Variants in CYP7B1 observed in about 807,000 individuals in gnomAD.
The protein encoded by CYP7B1 is cytochrome P450 family 7 subfamily B member 1.
Under a neutral mutation model 42.7 loss-of-function variants are expected in CYP7B1, and 29 were observed. The ratio of observed to expected loss-of-function variants is 0.68; its 90% CI spans 0.51 to 0.93. The LOEUF (loss-of-function observed/expected upper bound fraction) is 0.93. CYP7B1 is among the 40% of genes least tolerant of loss of function. The pLI, the probability that CYP7B1 is intolerant of heterozygous loss-of-function variation, is 0.00. For synonymous variants in CYP7B1, 235 were observed against 218.2 expected, an observed-to-expected ratio of 1.08 and a Z score of -0.68; for missense variants, 655 against 600.5, an observed-to-expected ratio of 1.09 and a Z score of -0.95.
At chr8:64,756,133 G>A (rs965804946) in intron 1 of CYP7B1, among the ~76,000 whole-genome samples, 1 of 152,066 alleles carries the variant, frequency 6.6e-6, no homozygotes, top group East Asian at 1.9e-4. Flanking sequence ...TCTGTAATTC[G>A]ACTTCATGTC....
intron 1 of CYP7B1, among the ~76,000 whole-genome samples, chr8:64,633,204 C>T (rs1341515429): frequency 6.6e-6 from 1 of 152,152 alleles, no homozygotes; most frequent in Non-Finnish European, 1.5e-5. Context: ...TTGATACCAA[C>T]CTTGGTGGTT....
intron 1 of CYP7B1, among the ~76,000 whole-genome samples, chr8:64,722,750 G>C (rs796232351): frequency 4.9e-5 from 5 of 102,296 alleles, no homozygotes; most frequent in African/African-American, 1.8e-4. Flanking sequence ...CGGCGGGGGG[G>C]GGGGGGCGGG....
At chr8:64,775,161 A>G (rs1047267286) in intron 1 of CYP7B1, among the ~76,000 whole-genome samples, 2 of 151,926 alleles carry the variant, frequency 1.3e-5, no homozygotes, top group African/African-American at 4.9e-5. Flanking sequence ...ATAAAAAAAA[A>G]CACTCTAATT....
chr8:64,722,744 G>C (rs1192331992), intron 1 of CYP7B1, among the ~76,000 whole-genome samples: 1 of 7,748 alleles, frequency 1.3e-4, no homozygotes, highest in African/African-American at 2.5e-4. Context: ...TTTTTGCGGC[G>C]GGGGGGGGGG....
rs146088069 is a variant in CYP7B1 at position 64,744,951 on chromosome 8, T to C, written c.122+53515A>G. Among the ~76,000 whole-genome samples the C allele has an allele frequency of 2.2e-4, 34 of 152,340 alleles. No individual in the cohort carries two copies. The East Asian group carries it at 6.6e-3, about 29-fold the overall frequency. ...AATACTATGACTAAAACTAAATGTA[T>C]GCATGTGTTATAACTGGCTGATCAT... On this transcript the variant is annotated intron_variant, in intron 1 of 5. Coordinates refer to ENST00000310193, the MANE Select transcript of CYP7B1 (RefSeq NM_004820.5).
chr8:64,612,841 C>T (rs1251627667), intron 4 of CYP7B1, among the ~76,000 whole-genome samples: 1 of 152,122 alleles, frequency 6.6e-6, no homozygotes, highest in African/African-American at 2.4e-5. Context: ...TACACACATA[C>T]CACGTGGCAC....
intron 1 of CYP7B1, among the ~76,000 whole-genome samples, chr8:64,657,076 GA>G (rs1806131391): frequency 6.6e-6 from 1 of 151,884 alleles, no homozygotes; most frequent in South Asian, 2.1e-4. Flanking sequence ...AAAGCAGTGT[GA>G]AAAACAAAAG....
intron 1 of CYP7B1, among the ~76,000 whole-genome samples, chr8:64,677,281 GA>G (rs1009605133): frequency 6.6e-6 from 1 of 150,726 alleles, no homozygotes; most frequent in South Asian, 2.1e-4. Flanking sequence ...AAATCCTACG[GA>G]AAAAAAACCC....
At chr8:64,611,082 T>C (rs1246314789) in intron 4 of CYP7B1, among the ~76,000 whole-genome samples, 2 of 152,184 alleles carry the variant, frequency 1.3e-5, no homozygotes, top group African/African-American at 4.8e-5. Context: ...CTGGCCCATG[T>C]TGCCTGATCT....
chr8:64,695,280 C>T (rs1290719361), intron 1 of CYP7B1, among the ~76,000 whole-genome samples: 3 of 152,132 alleles, frequency 2.0e-5, no homozygotes, highest in Admixed American at 6.5e-5. Context: ...GGACATGAGC[C>T]ACAATTACCC....
intron 1 of CYP7B1, among the ~76,000 whole-genome samples, chr8:64,770,213 T>A (rs1804198682): frequency 6.6e-6 from 1 of 151,958 alleles, no homozygotes; most frequent in Non-Finnish European, 1.5e-5. Flanking sequence ...CCGTGTGCCA[T>A]AAAACCAAAC....
intron 3 of CYP7B1, 140 bp downstream of exon 3, chr8:64,615,551 T>A: frequency 1.2e-6 from 1 of 818,052 alleles, no homozygotes; most frequent in Non-Finnish European, 2.0e-6. Flanking sequence ...TATAGAGGGT[T>A]ATATCAGAGT....
chr8:64,662,438 C>A (rs140524116), intron 1 of CYP7B1, among the ~76,000 whole-genome samples: 5 of 152,168 alleles, frequency 3.3e-5, no homozygotes, highest in African/African-American at 1.2e-4. Context: ...TCTAATTTAC[C>A]CTTCACAATA....
At chr8:64,655,279 AAAGGTCT>A (rs1806104851) in intron 1 of CYP7B1, among the ~76,000 whole-genome samples, 1 of 152,212 alleles carries the variant, frequency 6.6e-6, no homozygotes, top group Admixed American at 6.5e-5. Flanking sequence ...CACCTCTGAC[AAAGGTCT>A]AATATCCAGT....
intron 1 of CYP7B1, among the ~76,000 whole-genome samples, chr8:64,677,733 A>G (rs1384447213): frequency 4.9e-5 from 1 of 20,302 alleles, no homozygotes; most frequent in Admixed American, 5.1e-4. Context: ...TTTTTTTTTT[A>G]CATAGAAATG....
At chr8:64,755,086 A>G (rs1176472204) in intron 1 of CYP7B1, among the ~76,000 whole-genome samples, 2 of 152,176 alleles carry the variant, frequency 1.3e-5, no homozygotes, top group African/African-American at 4.8e-5. Flanking sequence ...TTGGCAAATC[A>G]TGGTAAGTTC....
chr8:64,627,077 C>A (rs1410222653), intron 1 of CYP7B1, among the ~76,000 whole-genome samples: 1 of 152,078 alleles, frequency 6.6e-6, no homozygotes, highest in African/African-American at 2.4e-5. Flanking sequence ...TTTGCTTTCT[C>A]TTTTTAGAAG....
At chr8:64,621,195 A>C (rs1229852544) in intron 2 of CYP7B1, among the ~76,000 whole-genome samples, 3 of 152,230 alleles carry the variant, frequency 2.0e-5, no homozygotes, top group African/African-American at 7.2e-5. Flanking sequence ...AGCTCTAAGA[A>C]ATTAGGGGCT....
At chr8:64,664,684 C>A (rs1414655166) in intron 1 of CYP7B1, among the ~76,000 whole-genome samples, 12 of 152,146 alleles carry the variant, frequency 7.9e-5, no homozygotes, top group Non-Finnish European at 1.2e-4. Flanking sequence ...TGGACTTTCT[C>A]TTGATGAGTG....
Sources: allele counts gnomAD v4.1 joint callset (sites outside exome capture counted in the v4.1 genomes callset), GRCh38; gene constraint gnomAD v4.1.1; transcripts MANE v1.5; gene names NCBI Gene and HGNC (gene_info 2026-07-23, HGNC 2026-07-21).